Variants in PXDNL observed in about 807,000 individuals in gnomAD.
PXDNL encodes peroxidasin like.
A neutral mutation model predicts 150.8 loss-of-function variants in PXDNL; 145 were observed. That is an observed-to-expected ratio of 0.96 (90% CI 0.84 to 1.10). The LOEUF (loss-of-function observed/expected upper bound fraction) is 1.10. Among genes scored for constraint, PXDNL ranks in the 50% least tolerant of loss-of-function variants. The pLI is 0.00. For missense variants in PXDNL, 2,087 were observed against 1,873.9 expected, an observed-to-expected ratio of 1.11 and a Z score of -2.10; for synonymous variants, 757 against 725.7, an observed-to-expected ratio of 1.04 and a Z score of -0.69.
rs140230784 is a variant in PXDNL, at chr8:51,613,639, G to A, written c.237-20941C>T. Among the ~76,000 whole-genome samples the A allele has an allele frequency of 2.2e-4, 33 of 152,224 alleles. No individual in the cohort carries two copies. The East Asian group carries it at 5.0e-3, about 23-fold the overall frequency. On this transcript the variant is annotated intron_variant, in intron 2 of 22. Transcript: ENST00000356297. ...AATTTAGCAACTGCTTCTCATGGAC[G>A]TTGACATATTGTAACTAAAATGCCA...
intron 3 of PXDNL, among the ~76,000 whole-genome samples, chr8:51,577,219 C>T (rs1694908635): frequency 6.6e-6 from 1 of 151,670 alleles, no homozygotes; most frequent in African/African-American, 2.4e-5. Flanking sequence ...ATCAATAACC[C>T]TCATGAATAT....
intron 3 of PXDNL, among the ~76,000 whole-genome samples, chr8:51,590,830 G>A (rs1052440507): frequency 1.3e-5 from 2 of 152,104 alleles, no homozygotes; most frequent in African/African-American, 2.4e-5. Context: ...CTGGGCTTTG[G>A]ACTTTTGAGT....
chr8:51,352,942 C>A lies in PXDNL; in HGVS notation c.3902-6995G>T, dbSNP rs186762220. Among the ~76,000 whole-genome samples the A allele has an allele frequency of 3.3e-5, 5 of 152,144 alleles. No individual in the cohort carries two copies. The East Asian group carries it at 9.7e-4, about 29-fold the overall frequency. On this transcript the variant is annotated intron_variant, in intron 19 of 22. Transcript: ENST00000356297. ...ACAGAGTGGAATAACATGCTGGAGA[C>A]TCCGAAAGGTAGGAGAGTGGGAGGA...
intron 1 of PXDNL, among the ~76,000 whole-genome samples, chr8:51,712,916 A>T (rs1816529316): frequency 6.6e-6 from 1 of 152,212 alleles, no homozygotes; most frequent in African/African-American, 2.4e-5. Flanking sequence ...CATTCTAAAC[A>T]TTACTTCTCA....
At chr8:51,585,276 G>A (rs1813298555) in intron 3 of PXDNL, among the ~76,000 whole-genome samples, 1 of 152,132 alleles carries the variant, frequency 6.6e-6, no homozygotes, top group Admixed American at 6.6e-5. Flanking sequence ...AAACATAAAA[G>A]CAATCCAGGC....
Position 51,411,274 on chromosome 8 carries a change from G to T in PXDNL, c.2038C>A (p.Leu680Ile), listed in dbSNP as rs1448517559. The change falls in exon 16 of 23, where the codon CTC becomes ATC. Residue 680 changes from leucine (L) to isoleucine (I), a missense_variant. Leu to Ile is a conservative substitution (Grantham distance 5). Transcript: ENST00000356297. ...CCTTTGCCTTCCAAGTCCACAGTGA[G>T]CCCCTGCTTCACACGTTCCCGTATC... ...QLIRERVKQG[L>I]TVDLEGKEFR... 6.6e-7 allele frequency: 1 copy of T among 1,514,438 alleles called. No homozygotes were observed. Among genetic ancestry groups the T allele is most frequent in the South Asian group, 1.3e-5 (1 of 74,718 alleles). The allele number at this position is 1,514,438 out of a possible 1,614,324, so 93.8% of individuals were successfully genotyped here.
intron 4 of PXDNL, among the ~76,000 whole-genome samples, chr8:51,551,449 C>A (rs193300904): frequency 6.6e-6 from 1 of 152,052 alleles, no homozygotes; most frequent in Non-Finnish European, 1.5e-5. Context: ...AATACCAAAA[C>A]GGCATGGTAC....
At chr8:51,443,885 C>CT (rs534069236) in intron 12 of PXDNL, among the ~76,000 whole-genome samples, 7 of 151,994 alleles carry the variant, frequency 4.6e-5, no homozygotes, top group Non-Finnish European at 5.9e-5. Context: ...TTGGTAGCTT[C>CT]TTTTTTTTAT....
At chr8:51,531,912 C>T (rs990517007) in intron 4 of PXDNL, among the ~76,000 whole-genome samples, 5 of 152,200 alleles carry the variant, frequency 3.3e-5, no homozygotes, top group African/African-American at 7.2e-5. Context: ...CTCCCCCCAC[C>T]GTCATCATCC....
intron 17 of PXDNL, among the ~76,000 whole-genome samples, chr8:51,380,454 TGTTC>T (rs1455533038): frequency 6.6e-6 from 1 of 152,212 alleles, no homozygotes; most frequent in Non-Finnish European, 1.5e-5. Flanking sequence ...CACCTGAGAA[TGTTC>T]GTTGTCTCCA....
intron 3 of PXDNL, among the ~76,000 whole-genome samples, chr8:51,587,137 A>AGG (rs2130643204): frequency 6.6e-6 from 1 of 152,332 alleles, no homozygotes; most frequent in East Asian, 1.9e-4. Flanking sequence ...TTTGGATGTC[A>AGG]AGATGTTTCT....
At chr8:51,503,632 A>G (rs1187427121) in intron 4 of PXDNL, among the ~76,000 whole-genome samples, 1 of 152,198 alleles carries the variant, frequency 6.6e-6, no homozygotes, top group East Asian at 1.9e-4. Flanking sequence ...ATAAATATGA[A>G]TGATTACTTG....
chr8:51,721,197 A>G (rs962277245), intron 1 of PXDNL, among the ~76,000 whole-genome samples: 2 of 152,234 alleles, frequency 1.3e-5, no homozygotes, highest in Admixed American at 1.3e-4. Flanking sequence ...GCTGGCACTG[A>G]AAACGAGCAG....
At chr8:51,555,161 T>C (rs1446530053) in intron 4 of PXDNL, among the ~76,000 whole-genome samples, 1 of 152,122 alleles carries the variant, frequency 6.6e-6, no homozygotes. Context: ...AGGGCCGGCA[T>C]CCTTTAAGGG....
intron 3 of PXDNL, among the ~76,000 whole-genome samples, chr8:51,572,908 G>T (rs924729947): frequency 7.9e-5 from 12 of 151,700 alleles, no homozygotes; most frequent in Admixed American, 4.6e-4. Context: ...CAAACTAAAA[G>T]GCCTCTGAAA....
intron 4 of PXDNL, among the ~76,000 whole-genome samples, chr8:51,551,482 T>C (rs1812482880): frequency 6.6e-6 from 1 of 152,000 alleles, no homozygotes; most frequent in South Asian, 2.1e-4. Context: ...AACAGGCAAG[T>C]AGAACAATGG....
chr8:51,358,638 C>T (rs1299228013), intron 19 of PXDNL, among the ~76,000 whole-genome samples: 1 of 152,128 alleles, frequency 6.6e-6, no homozygotes, highest in African/African-American at 2.4e-5. Flanking sequence ...TCGCCTGGCC[C>T]CAGCATGAGG....
chr8:51,370,795 C>T (rs1045582350), intron 19 of PXDNL, among the ~76,000 whole-genome samples: 3 of 152,220 alleles, frequency 2.0e-5, no homozygotes, highest in African/African-American at 7.2e-5. Flanking sequence ...TGGGGTTTCG[C>T]CATGTTGGCC....
At chr8:51,509,800 A>G (rs1811374044) in intron 4 of PXDNL, among the ~76,000 whole-genome samples, 1 of 151,222 alleles carries the variant, frequency 6.6e-6, no homozygotes, top group Non-Finnish European at 1.5e-5. Context: ...ACGTATATGT[A>G]TATATATACA....
Sources: allele counts gnomAD v4.1 joint callset (sites outside exome capture counted in the v4.1 genomes callset), GRCh38; gene constraint gnomAD v4.1.1; transcripts MANE v1.5; gene names NCBI Gene and HGNC (gene_info 2026-07-23, HGNC 2026-07-21).